Variants in BCL3 observed in about 807,000 individuals in gnomAD.
The protein encoded by BCL3 is BCL3 transcription coactivator.
A neutral mutation model predicts 35.7 loss-of-function variants in BCL3; 15 were observed. The ratio of observed to expected loss-of-function variants is 0.42; its 90% CI spans 0.28 to 0.65. The LOEUF is 0.65. Among genes scored for constraint, BCL3 ranks in the 30% least tolerant of loss-of-function variants. BCL3 has a pLI of 0.22. For missense variants in BCL3, 565 were observed against 641.7 expected (o/e 0.88, Z 1.29); for synonymous variants, 311 against 284.3 (o/e 1.09, Z -0.95).
chr19:44,748,319 G>A (rs939464040), upstream of BCL3, among the ~76,000 whole-genome samples: 1 of 152,162 alleles, frequency 6.6e-6, no homozygotes, highest in Non-Finnish European at 1.5e-5. Flanking sequence ...ACTCAGACAG[G>A]AGAACCAGAG....
At position 44,748,835 on chromosome 19, in the gene BCL3, C is replaced by T; in HGVS notation, c.45C>T (p.Asp15=). The change falls in exon 1 of 9, where the codon GAC becomes GAT. Residue 15 remains aspartate, a synonymous_variant. Transcript: ENST00000164227. ...PAGAMDEGPV[D]LRTRPKAAGL... ...GGGCCATGGACGAGGGGCCCGTGGA[C>T]CTGCGCACCCGGCCCAAGGCCGCCG... The T allele has an allele frequency of 9.0e-7, 1 of 1,108,186 alleles. No individual in the cohort carries two copies. 68.6% of individuals were successfully genotyped at this position (1,108,186 alleles called of 1,614,324 possible).
Position 44,757,908 on chromosome 19 carries a change from T to G in BCL3, c.891+185T>G, listed in dbSNP as rs1035374660. Among the ~76,000 whole-genome samples, 4 of 152,044 alleles carry G rather than the reference T, an allele frequency of 2.6e-5. No individual in the cohort carries two copies. Among genetic ancestry groups the G allele is most frequent in the African/African-American group, 9.7e-5 (4 of 41,398 alleles). ...GGCTCCACGCCCCTGGCTACGAACT[T>G]GTCCCATTCCTCCTCTGCCACCTCA... On this transcript the variant is annotated intron_variant, in intron 6 of 8. Transcript: ENST00000164227. This position sits in a 1 kb window ranked among gnomAD's most constrained non-coding sequence, Gnocchi z 8.4.
At chr19:44,755,967 G>C (rs2122297719) in intron 2 of BCL3, among the ~76,000 whole-genome samples, 1 of 152,280 alleles carries the variant, frequency 6.6e-6, no homozygotes, top group Non-Finnish European at 1.5e-5. Flanking sequence ...GCTGTTGTGT[G>C]GGGGACAGAC....
upstream of BCL3, chr19:44,747,965 A>G (rs1456529328): frequency 8.1e-7 from 1 of 1,228,528 alleles, no homozygotes; most frequent in Non-Finnish European, 1.0e-6. Flanking sequence ...TTAGACCCAC[A>G]GCTGATGAGG....
At chr19:44,749,972 C>T (rs549317803) in intron 1 of BCL3, among the ~76,000 whole-genome samples, 1 of 152,292 alleles carries the variant, frequency 6.6e-6, no homozygotes, top group South Asian at 2.1e-4. Flanking sequence ...GAAGACCACA[C>T]ACTCTTCTCT....
At position 44,759,905 on chromosome 19, in the gene BCL3, C is replaced by G. The variant is rs1967394125; in HGVS notation, c.*290C>G. 8.1e-6 allele frequency: 3 copies of G among 371,480 alleles called. No homozygotes were observed. Among genetic ancestry groups the G allele is most frequent in the Non-Finnish European group, 1.4e-5 (3 of 208,642 alleles). The allele number at this position is 371,480 out of a possible 1,614,324, so 23.0% of individuals were successfully genotyped here. A position where few individuals can be genotyped will look rare whatever the true frequency, so the allele number is the denominator to read the frequency against. ...ATGTCCCCTCCCAGAGCTGGTGGAC[C>G]CAGGGAACAGCCACTCCCCTCCACT... On this transcript the variant is annotated 3_prime_UTR_variant, in exon 9 of 9. Transcript: ENST00000164227.
chr19:44,747,936 C>T (rs1355460923), upstream of BCL3: 2 of 1,144,692 alleles, frequency 1.7e-6, no homozygotes, highest in Non-Finnish European at 2.2e-6. Flanking sequence ...TCCCCACCCT[C>T]ACCCCACCCC....
Position 44,749,021 on chromosome 19 carries a change from C to T in BCL3, c.231C>T (p.Ala77=). The T allele has an allele frequency of 7.3e-7, 1 of 1,375,874 alleles. No homozygotes were observed. Among genetic ancestry groups the T allele is most frequent in the Non-Finnish European group, 9.4e-7 (1 of 1,064,336 alleles). The allele number at this position is 1,375,874 out of a possible 1,614,324, so 85.2% of individuals were successfully genotyped here. The change falls in exon 1 of 9, where the codon GCC becomes GCT. Residue 77 remains alanine (A), a synonymous_variant. Coordinates refer to ENST00000164227, the MANE Select transcript of BCL3 (RefSeq NM_005178.5). ...TCCCCGGGCCCCCCCACGGCCTGGC[C>T]CGGCCGGAGGCGCTTTACTACCCCG... The part of the protein sequence containing the change: ...PAVPGPPHGL[A]RPEALYYPGA...
chr19:44,755,791 A>G (rs577835409), intron 2 of BCL3, among the ~76,000 whole-genome samples: 36 of 152,228 alleles, frequency 2.4e-4, no homozygotes, highest in African/African-American at 8.2e-4. Flanking sequence ...GATGGCACAC[A>G]TCTGTAATCC....
In BCL3 at chr19:44,757,414, T is replaced by A; in HGVS notation, c.812T>A (p.Val271Glu). The A allele has an allele frequency of 6.6e-7, 1 of 1,523,084 alleles. No individual in the cohort carries two copies. The highest frequency in any genetic ancestry group is 8.8e-7 in the Non-Finnish European group (1 of 1,132,330). The allele number at this position is 1,523,084 out of a possible 1,614,324, so 94.3% of individuals were successfully genotyped here. ...GAGCGCGGTGCCGACATCGACGCAGTGGTGAGCGTGCACTAGGAGCTGGGA... is the reference window on the plus strand; with the variant it reads ...GAGCGCGGTGCCGACATCGACGCAGAGGTGAGCGTGCACTAGGAGCTGGGA... ...LLERGADIDA[V>E]DIKSGRSPLI... The change falls in exon 5 of 9, where the codon GTG becomes GAG. Residue 271 changes from valine to glutamate, a missense_variant and splice_region_variant. Val to Glu is a moderately radical substitution (Grantham distance 121). Around this residue, in one of 5 missense-constraint regions of BCL3, gnomAD observed 103 missense variants for 106.7 expected, o/e 0.97. Transcript: ENST00000164227. This position sits in a 1 kb window ranked among gnomAD's most constrained non-coding sequence, Gnocchi z 8.4.
chr19:44,759,805 C>T lies in BCL3; in HGVS notation c.*190C>T, dbSNP rs971655746. On this transcript the variant is annotated 3_prime_UTR_variant, in exon 9 of 9. Transcript: ENST00000164227. ...AGCACAGATGTTCCCCCATCTCGCT[C>T]CCTCCCAGGACTCTGACCCCAGCAT... 1 of 521,018 alleles carries T rather than the reference C, an allele frequency of 1.9e-6. No homozygotes were observed. The highest frequency in any genetic ancestry group is 3.4e-6 in the Non-Finnish European group (1 of 298,316). 32.3% of individuals were successfully genotyped at this position (521,018 alleles called of 1,614,324 possible). A position where few individuals can be genotyped will look rare whatever the true frequency, so the allele number is the denominator to read the frequency against.
intron 3 of BCL3, among the ~76,000 whole-genome samples, chr19:44,756,620 G>C (rs1435440242): frequency 6.8e-6 from 1 of 147,612 alleles, no homozygotes; most frequent in African/African-American, 2.5e-5. Flanking sequence ...AGGAGGGCTG[G>C]GGGTCTGGAC....
intron 1 of BCL3, among the ~76,000 whole-genome samples, 169 bp from the exon 2 acceptor site, chr19:44,751,058 C>T (rs1026676997): frequency 3.9e-5 from 6 of 151,990 alleles, no homozygotes; most frequent in Non-Finnish European, 7.4e-5. Context: ...AGAGGAGGGA[C>T]GTGGAAGGGG....
Position 44,757,499 on chromosome 19 carries a change from C to T in BCL3, c.813+84C>T. On this transcript the variant is annotated intron_variant, in intron 5 of 8. Transcript: ENST00000164227. The surrounding 1 kb of genome is among the most constrained non-coding windows in gnomAD (Gnocchi z 8.4). ...GGGGGCGGGGCCAGTGTGGGGCTGG[C>T]GTGGGAGAGCACCCGGGTGGGGTGG... is the stretch of plus-strand genomic sequence containing the variant. 2 of 1,374,470 alleles carry T rather than the reference C, an allele frequency of 1.5e-6. No individual in the cohort carries two copies. Among genetic ancestry groups the T allele is most frequent in the Non-Finnish European group, 2.0e-6 (2 of 999,002 alleles). The allele number at this position is 1,374,470 out of a possible 1,614,324, so 85.1% of individuals were successfully genotyped here.
intron 8 of BCL3, among the ~76,000 whole-genome samples, chr19:44,759,192 A>AC (rs1279958361): frequency 2.1e-4 from 12 of 57,860 alleles, no homozygotes; most frequent in Non-Finnish European, 3.6e-4. Context: ...CCTCCCTCAC[A>AC]CCCCCAGCCC....
At position 44,758,743 on chromosome 19, in the gene BCL3, G is replaced by T; in HGVS notation, c.1079G>T (p.Gly360Val). 5 of 1,603,514 alleles carry T rather than the reference G, an allele frequency of 3.1e-6. No individual in the cohort carries two copies. Among genetic ancestry groups the T allele is most frequent in the Non-Finnish European group, 4.3e-6 (5 of 1,175,826 alleles). The change falls in exon 8 of 9, where the codon GGG becomes GTG. Residue 360 changes from glycine to valine, a missense_variant. By Grantham distance (109) the Gly-to-Val change is moderately radical. Coordinates refer to ENST00000164227, the MANE Select transcript of BCL3 (RefSeq NM_005178.5). The stretch of plus-strand genomic sequence containing the variant: ...CTACAGGTCATCGACATCCTGAGGG[G>T]GAAGGCCACCCGGCCTGCTTCCACC... Reference protein sequence around the residue: ...RSRRVIDILRGKATRPASTSQ... With the variant: ...RSRRVIDILRVKATRPASTSQ...
At chr19:44,756,545 G>A (rs1353038119) in intron 3 of BCL3, among the ~76,000 whole-genome samples, 1 of 141,282 alleles carries the variant, frequency 7.1e-6, no homozygotes. Context: ...ATGGAGGAGG[G>A]CTGGGTCCTG....
Position 44,758,381 on chromosome 19 carries a change from G to A in BCL3, c.1027G>A (p.Asp343Asn). ...ADSSLKNCHNDTPLMVARSRR... is the reference protein window; with the variant it reads ...ADSSLKNCHNNTPLMVARSRR... ...CAGCAGCCTCAAGAACTGCCACAAC[G>A]ACACGCCGCTCATGGTGGCGCGCAG... Residue 343 changes from aspartate to asparagine, a missense_variant, in exon 7 of 9, where the codon GAC (aspartate) becomes AAC (asparagine). By Grantham distance (23) the Asp-to-Asn change is conservative. Transcript: ENST00000164227. 6.5e-7 allele frequency: 1 copy of A among 1,547,760 alleles called. No homozygotes were observed. Among genetic ancestry groups the A allele is most frequent in the Non-Finnish European group, 8.7e-7 (1 of 1,148,688 alleles).
At chr19:44,758,519 C>CG in intron 7 of BCL3, 106 bp downstream of exon 7, 1 of 1,432,950 alleles carries the variant, frequency 7.0e-7, no homozygotes, top group East Asian at 2.5e-5. Context: ...TGTGCCGTTG[C>CG]GTGGAGGGGA....
Sources: gnomAD v4.1 joint callset for allele counts (sites outside exome capture counted in the v4.1 genomes callset) on GRCh38, gnomAD v4.1.1 for gene constraint, gnomAD v4.1.1 regional missense constraint, Gnocchi (gnomAD v3.1) non-coding constraint, MANE v1.5 for transcripts, NCBI Gene and HGNC (gene_info 2026-07-23, HGNC 2026-07-21) for gene names.